The following PPFIA2 variants were observed in gnomAD, a reference collection of about 807,000 sequenced individuals.
PPFIA2 encodes the protein PPFI scaffold protein A2.
Under a neutral mutation model 175.5 loss-of-function variants are expected in PPFIA2, and 46 were observed. That is an observed-to-expected ratio of 0.26 (90% CI 0.21 to 0.34). The LOEUF (loss-of-function observed/expected upper bound fraction) is 0.34, where lower values mean the gene tolerates loss of function less well. PPFIA2 is among the 10% of genes least tolerant of loss of function. The pLI is 1.00. For synonymous variants in PPFIA2, 568 were observed against 511.4 expected (o/e 1.11, Z -1.49); for missense variants, 1,179 against 1,506.1 (o/e 0.78, Z 3.60).
rs964434952 is a variant in PPFIA2 at position 81,457,966 on chromosome 12, A to T, written c.304-100T>A. On this transcript the variant is annotated intron_variant, in intron 4 of 32. Transcript: ENST00000549396. ...AAAATGAAAAGAATGGGGAAAAATG[A>T]CCCCACTGACTGGTCAACATATGTT... 4 of 716,696 alleles carry T rather than the reference A, an allele frequency of 5.6e-6. No individual in the cohort carries two copies. The Admixed American group carries it at 1.1e-4, about 20-fold the overall frequency. 44.4% of individuals were successfully genotyped at this position (716,696 alleles called of 1,614,324 possible).
chr12:81,312,083 A>C, intron 22 of PPFIA2: 2 of 1,408,876 alleles, frequency 1.4e-6, no homozygotes, highest in South Asian at 2.5e-5. Context: ...AACTCAAAAG[A>C]GTAATACTCT....
chr12:81,642,313 CAG>C (rs1436758138), intron 4 of PPFIA2, among the ~76,000 whole-genome samples: 1 of 151,824 alleles, frequency 6.6e-6, no homozygotes. Flanking sequence ...AACTTCTATG[CAG>C]AGTTATGTAA....
At chr12:81,693,140 G>A (rs1327447896) in intron 3 of PPFIA2, among the ~76,000 whole-genome samples, 1 of 151,994 alleles carries the variant, frequency 6.6e-6, no homozygotes, top group East Asian at 1.9e-4. Flanking sequence ...AATAAATGAG[G>A]CAGTTTAAGT....
chr12:81,482,197 C>T (rs567428391), intron 4 of PPFIA2, among the ~76,000 whole-genome samples: 1 of 152,298 alleles, frequency 6.6e-6, no homozygotes, highest in South Asian at 2.1e-4. Context: ...GATACCATCT[C>T]ATGCCAGTTA....
intron 4 of PPFIA2, among the ~76,000 whole-genome samples, chr12:81,636,173 C>T (rs2063988830): frequency 6.6e-6 from 1 of 152,000 alleles, no homozygotes; most frequent in African/African-American, 2.4e-5. Flanking sequence ...TATCTCATAC[C>T]TCTGTTCTAT....
intron 11 of PPFIA2, among the ~76,000 whole-genome samples, chr12:81,373,710 T>C (rs1310849004): frequency 2.0e-5 from 3 of 151,912 alleles, no homozygotes; most frequent in Non-Finnish European, 4.4e-5. Flanking sequence ...ATTATTTGCT[T>C]TTTTAGAAAA....
chr12:81,368,788 C>A lies in PPFIA2; in HGVS notation c.1419G>T (p.Leu473=). 1.2e-6 allele frequency: 2 copies of A among 1,610,762 alleles called. No individual in the cohort carries two copies. The highest frequency in any genetic ancestry group is 2.2e-5 in the South Asian group (2 of 90,996). ...GTTGTAGGCGTTCATTGGATTCAGT[C>A]AGAAGTCTATCAACCGTATCCGATA... is the stretch of plus-strand genomic sequence containing the variant. The part of the protein sequence containing the change: ...KRLSDTVDRL[L]TESNERLQLH... The change falls in exon 13 of 33, where the codon CTG becomes CTT. Residue 473 remains leucine (L), a synonymous_variant. Coordinates refer to ENST00000549396, the MANE Select transcript of PPFIA2 (RefSeq NM_003625.5).
intron 4 of PPFIA2, among the ~76,000 whole-genome samples, chr12:81,597,588 T>G (rs1567512983): frequency 6.6e-6 from 1 of 152,130 alleles, no homozygotes; most frequent in African/African-American, 2.4e-5. Context: ...TGTGTTTTAA[T>G]CTTACTCTTT....
rs141068679 is a variant in PPFIA2, at chr12:81,289,313, C to T, written c.2926-5010G>A. 5.1e-3 allele frequency among the ~76,000 whole-genome samples: 781 copies of T among 151,860 alleles called. 3 individuals carry two copies. Among genetic ancestry groups the T allele is most frequent in the Admixed American group, 0.011 (167 of 15,220 alleles). ...CTGTATTACACTGAGCTGACTAATG[C>T]CTATCTTACACCTTACATTTATGTT... On this transcript the variant is annotated intron_variant, in intron 24 of 32. Coordinates refer to ENST00000549396, the MANE Select transcript of PPFIA2 (RefSeq NM_003625.5).
chr12:81,497,372 C>T (rs1342690793), intron 4 of PPFIA2, among the ~76,000 whole-genome samples: 1 of 151,974 alleles, frequency 6.6e-6, no homozygotes, highest in Non-Finnish European at 1.5e-5. Flanking sequence ...TTGTAAATTA[C>T]TCCTTTCTAT....
At chr12:81,539,344 G>T (rs925666608) in intron 4 of PPFIA2, among the ~76,000 whole-genome samples, 6 of 151,894 alleles carry the variant, frequency 4.0e-5, no homozygotes, top group African/African-American at 1.5e-4. Context: ...TCACGAGGTT[G>T]GGTGACATTT....
Position 81,532,926 on chromosome 12 carries a change from T to C in PPFIA2, c.304-75060A>G, listed in dbSNP as rs1307859001. ...CACTGATAGAATAAAATCCCCTTTA[T>C]CTCAACCAAGAAGGCATCTTCATTT... On this transcript the variant is annotated intron_variant, in intron 4 of 32. Transcript: ENST00000549396. Among the ~76,000 whole-genome samples, 59 of 151,740 alleles carry C rather than the reference T, an allele frequency of 3.9e-4. 1 individual carries two copies. In the Admixed American group the frequency reaches 3.9e-3, roughly 10 times the overall value.
At chr12:81,379,930 CTGTT>C (rs1326734106) in intron 9 of PPFIA2, among the ~76,000 whole-genome samples, 1 of 152,082 alleles carries the variant, frequency 6.6e-6, no homozygotes, top group African/African-American at 2.4e-5. Context: ...AATTATATTT[CTGTT>C]TTTTATTATA....
intron 4 of PPFIA2, among the ~76,000 whole-genome samples, chr12:81,618,631 C>T (rs1301135944): frequency 6.6e-6 from 1 of 150,870 alleles, no homozygotes; most frequent in Admixed American, 6.6e-5. Flanking sequence ...CAGGTTCACG[C>T]CATTCTCCTG....
chr12:81,290,096 G>C (rs2044511826), intron 24 of PPFIA2, among the ~76,000 whole-genome samples: 1 of 151,668 alleles, frequency 6.6e-6, no homozygotes. Flanking sequence ...AAATAAAAAA[G>C]CCCCGAAGCC....
rs1267019116 is a variant in PPFIA2, at chr12:81,711,996, G to A, written c.250-35152C>T. Among the ~76,000 whole-genome samples, 8 of 150,810 alleles carry A rather than the reference G, an allele frequency of 5.3e-5. No homozygotes were observed. In the South Asian group the frequency reaches 1.7e-3, roughly 31 times the overall value. On this transcript the variant is annotated intron_variant, in intron 3 of 32. Transcript: ENST00000549396. ...TGAGAAAATAATAATTCAACATTGTGCAAAAGAAGATTATATTAGAATATT... is the reference window on the plus strand; with the variant it reads ...TGAGAAAATAATAATTCAACATTGTACAAAAGAAGATTATATTAGAATATT...
chr12:81,428,504 C>T (rs1486208158), intron 7 of PPFIA2, among the ~76,000 whole-genome samples: 1 of 151,846 alleles, frequency 6.6e-6, no homozygotes, highest in Non-Finnish European at 1.5e-5. Context: ...TGTATTATAA[C>T]AGTACAATCA....
intron 3 of PPFIA2, among the ~76,000 whole-genome samples, chr12:81,702,180 T>C (rs2076570654): frequency 6.6e-6 from 1 of 151,360 alleles, no homozygotes; most frequent in African/African-American, 2.4e-5. Context: ...AATGACACTG[T>C]GGCTGCTTGT....
intron 3 of PPFIA2, among the ~76,000 whole-genome samples, chr12:81,748,301 T>A (rs2083305574): frequency 6.9e-6 from 1 of 144,864 alleles, no homozygotes; most frequent in Admixed American, 7.3e-5. Context: ...TTTAGTAACA[T>A]TTGTGTAGGT....
Sources: gnomAD v4.1 joint callset for allele counts (sites outside exome capture counted in the v4.1 genomes callset) on GRCh38, gnomAD v4.1.1 for gene constraint, MANE v1.5 for transcripts, NCBI Gene and HGNC (gene_info 2026-07-23, HGNC 2026-07-21) for gene names.